Variants in UVRAG observed in about 807,000 individuals in gnomAD.
The protein encoded by UVRAG is UV radiation resistance associated.
UVRAG carries 19 observed loss-of-function variants against 78.0 expected under a neutral mutation model. The observed-to-expected ratio is 0.24, with a 90% confidence interval of 0.17 to 0.36. The LOEUF is 0.36. UVRAG is among the 10% of genes least tolerant of loss of function. The probability of loss-of-function intolerance (pLI) is 1.00; values close to 1 mark genes in which losing one functional copy is unlikely to be tolerated. For missense variants in UVRAG, 740 were observed against 853.8 expected (o/e 0.87, Z 1.66); for synonymous variants, 323 against 324.6 (o/e 1.00, Z 0.05).
At chr11:75,920,246 C>T (rs1947952033) in intron 6 of UVRAG, among the ~76,000 whole-genome samples, 1 of 150,628 alleles carries the variant, frequency 6.6e-6, no homozygotes, top group South Asian at 2.1e-4. Context: ...AGGATGATCT[C>T]AATTTCCTGA....
intron 12 of UVRAG, among the ~76,000 whole-genome samples, chr11:76,041,058 C>G (rs1464536941): frequency 6.7e-6 from 1 of 150,336 alleles, no homozygotes; most frequent in Non-Finnish European, 1.5e-5. Context: ...ACATAAATAG[C>G]AAAAAAAGAA....
At chr11:75,926,784 G>A (rs1005478485) in intron 6 of UVRAG, among the ~76,000 whole-genome samples, 7 of 151,742 alleles carry the variant, frequency 4.6e-5, no homozygotes, top group African/African-American at 1.5e-4. Flanking sequence ...TGGGAATAGA[G>A]GATATTTAGA....
intron 13 of UVRAG, among the ~76,000 whole-genome samples, chr11:76,108,884 AAG>A (rs1952021347): frequency 6.6e-6 from 1 of 152,178 alleles, no homozygotes; most frequent in Non-Finnish European, 1.5e-5. Flanking sequence ...CTTATTATCT[AAG>A]TGTAATTTTC....
At chr11:76,137,272 C>T (rs1037737260) in intron 14 of UVRAG, 1 of 453,152 alleles carries the variant, frequency 2.2e-6, no homozygotes, top group African/African-American at 2.0e-5. Context: ...ATTCAACCAC[C>T]CACAGCGCCA....
At position 76,142,252 on chromosome 11, in the gene UVRAG, G is replaced by A. The variant is rs1254798853; in HGVS notation, c.*839G>A. 1 of 152,164 alleles carries A rather than the reference G, an allele frequency of 6.6e-6. No homozygotes were observed. Among genetic ancestry groups the A allele is most frequent in the Non-Finnish European group, 1.5e-5 (1 of 68,024 alleles). 9.4% of individuals were successfully genotyped at this position (152,164 alleles called of 1,614,324 possible). On this transcript the variant is annotated 3_prime_UTR_variant, in exon 15 of 15. Coordinates refer to ENST00000356136, the MANE Select transcript of UVRAG (RefSeq NM_003369.4). ...AGTTTTTATGTGGGCAGATGCTGTG[G>A]TCAGGAACTAGGCATGCTTTCTGGC...
In UVRAG at chr11:76,004,089, G is replaced by T. The variant is rs1368315761; in HGVS notation, c.911G>T (p.Arg304Ile). 1.2e-6 allele frequency: 2 copies of T among 1,613,634 alleles called. No individual in the cohort carries two copies. The highest frequency in any genetic ancestry group is 1.7e-6 in the Non-Finnish European group (2 of 1,179,788). The change falls in exon 9 of 15, where the codon AGA becomes ATA. Residue 304 changes from arginine to isoleucine, a missense_variant and splice_region_variant. Transcript: ENST00000356136. The part of the protein sequence containing the change: ...NELRKECTAK[R>I]ELFLKTNAQL... ...CTGAGGAAGGAGTGCACTGCAAAAAGGTAAATGCACACTGAGAAGAATTGC... is the reference window on the plus strand; with the variant it reads ...CTGAGGAAGGAGTGCACTGCAAAAATGTAAATGCACACTGAGAAGAATTGC...
At chr11:75,956,619 C>T (rs967950744) in intron 6 of UVRAG, among the ~76,000 whole-genome samples, 2 of 151,956 alleles carry the variant, frequency 1.3e-5, no homozygotes, top group Non-Finnish European at 1.5e-5. Context: ...CTCCTGATCT[C>T]GTGGGTTCTT....
chr11:76,026,616 A>G (rs1950330894), intron 12 of UVRAG, among the ~76,000 whole-genome samples: 1 of 151,930 alleles, frequency 6.6e-6, no homozygotes, highest in Non-Finnish European at 1.5e-5. Context: ...TCTTCATTTT[A>G]TTGTAGGTTG....
intron 6 of UVRAG, among the ~76,000 whole-genome samples, chr11:75,919,166 CTTTG>C (rs1007017642): frequency 1.3e-5 from 2 of 152,082 alleles, no homozygotes; most frequent in African/African-American, 4.8e-5. Context: ...TAAGGTATAA[CTTTG>C]TTTATCATCT....
rs10526191 is a variant in UVRAG at position 76,110,211 on chromosome 11, C to CATATAT, written c.1306-5698_1306-5693dup. On this transcript the variant is annotated intron_variant, in intron 13 of 14. Transcript: ENST00000356136. ...GTGGAGAATATATATATATCTGGTA[C>CATATAT]ATATATATATATATATATATGTATT... Among the ~76,000 whole-genome samples the CATATAT allele has an allele frequency of 4.7e-3, 639 of 136,658 alleles. 16 individuals carry two copies. Among genetic ancestry groups the CATATAT allele is most frequent in the African/African-American group, 0.015 (515 of 33,694 alleles). The allele number at this position is 136,658 out of a possible 152,430, so 89.7% of individuals were successfully genotyped here.
intron 13 of UVRAG, among the ~76,000 whole-genome samples, chr11:76,069,796 TC>T (rs989361430): frequency 1.3e-5 from 2 of 152,086 alleles, no homozygotes; most frequent in African/African-American, 4.8e-5. Flanking sequence ...GTGGCAGAGA[TC>T]CCCTTACTTC....
At chr11:76,054,545 C>T (rs1476722660) in intron 12 of UVRAG, among the ~76,000 whole-genome samples, 1 of 152,170 alleles carries the variant, frequency 6.6e-6, no homozygotes, top group Non-Finnish European at 1.5e-5. Context: ...TCTCCTGGTC[C>T]TTTTTCCCTT....
chr11:75,943,047 C>T (rs755233594), intron 6 of UVRAG, among the ~76,000 whole-genome samples: 4 of 152,024 alleles, frequency 2.6e-5, no homozygotes, highest in Middle Eastern at 3.4e-3. Flanking sequence ...GGTGACAGAG[C>T]GAGATCCTGT....
intron 13 of UVRAG, among the ~76,000 whole-genome samples, chr11:76,112,586 C>CTA (rs1565166031): frequency 6.6e-6 from 1 of 152,114 alleles, no homozygotes; most frequent in African/African-American, 2.4e-5. Flanking sequence ...GCAGGCCTAG[C>CTA]TAGCAGCCAG....
At chr11:76,050,902 C>G (rs139224069) in intron 12 of UVRAG, among the ~76,000 whole-genome samples, 171 of 152,154 alleles carry the variant, frequency 1.1e-3, no homozygotes, top group Non-Finnish European at 1.9e-3. Context: ...TAACAAAGTT[C>G]TGTCCCTCTG....
chr11:75,972,763 T>C (rs1437548443), intron 7 of UVRAG, among the ~76,000 whole-genome samples: 1 of 152,244 alleles, frequency 6.6e-6, no homozygotes, highest in Non-Finnish European at 1.5e-5. Context: ...ATATAAACTT[T>C]AGAATCAGTT....
At chr11:76,044,615 A>T (rs2134337482) in intron 12 of UVRAG, among the ~76,000 whole-genome samples, 1 of 152,184 alleles carries the variant, frequency 6.6e-6, no homozygotes, top group East Asian at 1.9e-4. Context: ...CTACTAAAAT[A>T]TCAAAAACAT....
intron 6 of UVRAG, among the ~76,000 whole-genome samples, chr11:75,960,913 C>T (rs1273609704): frequency 1.3e-5 from 2 of 152,092 alleles, no homozygotes; most frequent in Non-Finnish European, 1.5e-5. Flanking sequence ...TGAACCTGGC[C>T]GAGTATTTAA....
chr11:75,991,788 A>G (rs370949278), intron 8 of UVRAG, among the ~76,000 whole-genome samples: 1 of 152,160 alleles, frequency 6.6e-6, no homozygotes, highest in East Asian at 1.9e-4. Flanking sequence ...TAGGATAGAA[A>G]GAGGTCCCAG....
Sources: gnomAD v4.1 joint callset for allele counts (sites outside exome capture counted in the v4.1 genomes callset) on GRCh38, gnomAD v4.1.1 for gene constraint, MANE v1.5 for transcripts, NCBI Gene and HGNC (gene_info 2026-07-23, HGNC 2026-07-21) for gene names.